STARD13: variants seen among roughly 807,000 people sequenced by gnomAD.
STARD13 encodes the protein StAR related lipid transfer domain containing 13, also known as stAR-related lipid transfer protein 13.
Under a neutral mutation model 106.4 loss-of-function variants are expected in STARD13, and 62 were observed. That is an observed-to-expected ratio of 0.58 (90% confidence interval 0.48 to 0.72). STARD13 has a LOEUF of 0.72. Ranked by LOEUF, STARD13 falls within the 30% of genes least tolerant of loss-of-function variation. The probability of loss-of-function intolerance (pLI) is 0.00; values close to 1 mark genes in which losing one functional copy is unlikely to be tolerated. For missense variants in STARD13, 1,387 were observed against 1,424.0 expected (o/e 0.97, Z 0.42); for synonymous variants, 565 against 553.0 (o/e 1.02, Z -0.31).
the STARD13 span, among the ~76,000 whole-genome samples, chr13:33,447,633 T>C: frequency 1.3e-5 from 2 of 152,222 alleles, no homozygotes; most frequent in African/African-American, 4.8e-5. Context: ...CATATGACTT[T>C]TCACTAGATT....
chr13:33,146,440 C>T lies in STARD13; in HGVS notation c.324-4067G>A, dbSNP rs188502068. ...TCAAGGCTGCAGTGAGCTGAGACCACGCCACTGCACTCCAGCCTGGGTGAC... is the reference window on the plus strand; with the variant it reads ...TCAAGGCTGCAGTGAGCTGAGACCATGCCACTGCACTCCAGCCTGGGTGAC... On this transcript the variant is annotated intron_variant, in intron 3 of 13. Transcript: ENST00000336934. Among the ~76,000 whole-genome samples the T allele has an allele frequency of 1.8e-4, 28 of 152,180 alleles. No homozygotes were observed. The East Asian group carries it at 4.3e-3, about 23-fold the overall frequency.
the STARD13 span, among the ~76,000 whole-genome samples, chr13:33,414,865 G>C: frequency 7.2e-5 from 11 of 152,158 alleles, no homozygotes; most frequent in African/African-American, 2.7e-4. Flanking sequence ...ACATTTTATA[G>C]TAATATACAT....
chr13:33,411,265 G>A, the STARD13 span, among the ~76,000 whole-genome samples: 5 of 152,232 alleles, frequency 3.3e-5, no homozygotes, highest in South Asian at 2.1e-4. Flanking sequence ...AATAAAAGGC[G>A]TATGTGGGAC....
At chr13:33,345,198 T>C (rs2078005052), downstream of STARD13, among the ~76,000 whole-genome samples, 1 of 152,196 alleles carries the variant, frequency 6.6e-6, no homozygotes, top group Admixed American at 6.5e-5. Context: ...ACAAGCTAGA[T>C]GTATGGCTGT....
At chr13:33,177,539 T>A (rs1249416560) in intron 1 of STARD13, among the ~76,000 whole-genome samples, 2 of 152,186 alleles carry the variant, frequency 1.3e-5, no homozygotes, top group African/African-American at 4.8e-5. Flanking sequence ...AAGGACCAGC[T>A]GAGCTGGGGA....
At chr13:33,571,605 T>C in the STARD13 span, among the ~76,000 whole-genome samples, 2 of 152,188 alleles carry the variant, frequency 1.3e-5, no homozygotes, top group Admixed American at 6.6e-5. Context: ...CAGCAGTTAT[T>C]CTATATCCTA....
chr13:33,549,152 G>C, the STARD13 span, among the ~76,000 whole-genome samples: 1 of 152,178 alleles, frequency 6.6e-6, no homozygotes, highest in Non-Finnish European at 1.5e-5. Flanking sequence ...AGGACATCTT[G>C]ATTTGTGCTT....
the STARD13 span, among the ~76,000 whole-genome samples, chr13:33,454,454 A>G: frequency 5.9e-5 from 9 of 152,210 alleles, no homozygotes; most frequent in African/African-American, 2.2e-4. Flanking sequence ...GAAGACATGA[A>G]CTAACATATT....
At chr13:33,676,778 C>T in the STARD13 span, 1 of 152,050 alleles carries the variant, frequency 6.6e-6, no homozygotes, top group Admixed American at 6.6e-5. Flanking sequence ...CATAGCACTC[C>T]ACTCCCCGAG....
At chr13:33,154,798 A>G (rs1881747494) in intron 3 of STARD13, among the ~76,000 whole-genome samples, 1 of 152,202 alleles carries the variant, frequency 6.6e-6, no homozygotes, top group Non-Finnish European at 1.5e-5. Flanking sequence ...GAACTGGTCC[A>G]GCTTCAAGTG....
chr13:33,407,333 G>A, the STARD13 span, among the ~76,000 whole-genome samples: 2 of 152,162 alleles, frequency 1.3e-5, no homozygotes, highest in African/African-American at 4.8e-5. Flanking sequence ...GGAAGGCCTA[G>A]GTGTTCCATC....
chr13:33,251,782 G>T (rs1292017983), intron 1 of STARD13, among the ~76,000 whole-genome samples: 1 of 152,140 alleles, frequency 6.6e-6, no homozygotes, highest in Non-Finnish European at 1.5e-5. Context: ...AATGTTAGAT[G>T]GGGATTTTAG....
the STARD13 span, among the ~76,000 whole-genome samples, chr13:33,494,609 G>A: frequency 6.6e-6 from 1 of 152,144 alleles, no homozygotes; most frequent in Admixed American, 6.6e-5. Flanking sequence ...TCTACTACCA[G>A]TGAGAAGATT....
chr13:33,450,813 A>G, the STARD13 span, among the ~76,000 whole-genome samples: 43 of 152,320 alleles, frequency 2.8e-4, no homozygotes, highest in African/African-American at 1.0e-3. Flanking sequence ...AGGAAACAAC[A>G]TGTACAAAAG....
At chr13:33,152,128 T>G (rs1214165915) in intron 3 of STARD13, among the ~76,000 whole-genome samples, 1 of 152,174 alleles carries the variant, frequency 6.6e-6, no homozygotes, top group African/African-American at 2.4e-5. Context: ...AGATACATAA[T>G]AATTAAAGTC....
At chr13:33,658,836 C>T in the STARD13 span, among the ~76,000 whole-genome samples, 7 of 152,148 alleles carry the variant, frequency 4.6e-5, no homozygotes, top group African/African-American at 1.2e-4. Flanking sequence ...TTCCACTCCC[C>T]AATCTCTGGG....
At chr13:33,356,839 A>C in the STARD13 span, among the ~76,000 whole-genome samples, 1 of 152,196 alleles carries the variant, frequency 6.6e-6, no homozygotes, top group Non-Finnish European at 1.5e-5. Flanking sequence ...ATAAACTAGC[A>C]CTGGATGTGG....
In STARD13 at chr13:33,106,934, C is replaced by A; in HGVS notation, c.3048G>T (p.Arg1016Ser). 1 of 1,610,878 alleles carries A rather than the reference C, an allele frequency of 6.2e-7. No individual in the cohort carries two copies. Among genetic ancestry groups the A allele is most frequent in the Middle Eastern group, 1.7e-4 (1 of 6,048 alleles). Residue 1016 changes from arginine (R) to serine (S), a missense_variant and splice_region_variant, in exon 13 of 14, where the codon AGG becomes AGT. Transcript: ENST00000336934. Reference sequence around the variant, plus strand: ...CTTTGGGCAAATCAGTTTTCCAGGTCCTGTAGCAAAACAATCCGCACATCA... The same window carrying A: ...CTTTGGGCAAATCAGTTTTCCAGGTACTGTAGCAAAACAATCCGCACATCA... ...PHPSRDFVVLRTWKTDLPKGM... is the reference protein window; with the variant it reads ...PHPSRDFVVLSTWKTDLPKGM...
Position 33,107,026 on chromosome 13 carries a change from C to T in STARD13, c.3048-92G>A, listed in dbSNP as rs1873828970. The T allele has an allele frequency of 3.1e-6, 4 of 1,295,080 alleles. No homozygotes were observed. In the East Asian group the frequency reaches 7.2e-5, roughly 23 times the overall value. The allele number at this position is 1,295,080 out of a possible 1,614,324, so 80.2% of individuals were successfully genotyped here. ...TAAGGTTTGTGTTTATATTTTCCTG[C>T]CAACAACCTGGGCTCAGATTCCAAT... On this transcript the variant is annotated intron_variant, in intron 12 of 13. Coordinates refer to ENST00000336934, the MANE Select transcript of STARD13 (RefSeq NM_178006.4).
Sources: allele counts gnomAD v4.1 joint callset (sites outside exome capture counted in the v4.1 genomes callset), GRCh38; gene constraint gnomAD v4.1.1; transcripts MANE v1.5; gene names NCBI Gene and HGNC (gene_info 2026-07-23, HGNC 2026-07-21).